AKAP7: variants seen among roughly 807,000 people sequenced by gnomAD.
AKAP7 encodes A kinase (PRKA) anchor protein 7.
Under a neutral mutation model 39.5 loss-of-function variants are expected in AKAP7, and 39 were observed. The ratio of observed to expected loss-of-function variants is 0.99; its 90% CI spans 0.76 to 1.29. The LOEUF is 1.29. Ranked by LOEUF, AKAP7 falls within the 50% of genes most tolerant of loss-of-function variation. The pLI, the probability that AKAP7 is intolerant of heterozygous loss-of-function variation, is 0.00. For missense variants in AKAP7, 414 were observed against 407.7 expected (o/e 1.02, Z -0.13); for synonymous variants, 140 against 139.1 (o/e 1.01, Z -0.05).
At chr6:131,270,251 A>G (rs533092064) in intron 7 of AKAP7, among the ~76,000 whole-genome samples, 1 of 152,276 alleles carries the variant, frequency 6.6e-6, no homozygotes, top group East Asian at 1.9e-4. Flanking sequence ...TTACAGCTAC[A>G]CCTGGAAACC....
At chr6:131,173,032 C>T (rs562171327) in intron 5 of AKAP7, among the ~76,000 whole-genome samples, 48 of 151,758 alleles carry the variant, frequency 3.2e-4, no homozygotes, top group Non-Finnish European at 5.4e-4. Flanking sequence ...GGTGAAACCC[C>T]GTCTCTATTA....
chr6:131,212,052 A>G (rs575197270), intron 6 of AKAP7, among the ~76,000 whole-genome samples: 7 of 152,358 alleles, frequency 4.6e-5, no homozygotes, highest in African/African-American at 1.2e-4. Flanking sequence ...CATGTAAGCT[A>G]TTGAATATTG....
At chr6:131,211,492 G>C (rs1055620066) in intron 6 of AKAP7, among the ~76,000 whole-genome samples, 5 of 152,114 alleles carry the variant, frequency 3.3e-5, no homozygotes, top group South Asian at 2.1e-4. Context: ...CCAGATGGGC[G>C]CGGTGGCTCA....
chr6:131,184,227 TGTGAA>T (rs1562193560), intron 5 of AKAP7: 1 of 415,038 alleles, frequency 2.4e-6, no homozygotes, highest in Non-Finnish European at 4.6e-6. Context: ...TCTCTGGACT[TGTGAA>T]GGAGAGGAGG....
At chr6:131,170,574 G>A (rs1331386216) in intron 5 of AKAP7, among the ~76,000 whole-genome samples, 1 of 152,102 alleles carries the variant, frequency 6.6e-6, no homozygotes, top group Non-Finnish European at 1.5e-5. Flanking sequence ...TAATAAAAAG[G>A]GCATCTTGTT....
At chr6:131,269,193 G>A (rs1287327331) in intron 7 of AKAP7, among the ~76,000 whole-genome samples, 2 of 152,068 alleles carry the variant, frequency 1.3e-5, no homozygotes, top group African/African-American at 2.4e-5. Flanking sequence ...CTCCCTAGTA[G>A]CTGGGATTAC....
intron 7 of AKAP7, among the ~76,000 whole-genome samples, chr6:131,240,950 C>T (rs562362432): frequency 1.3e-5 from 2 of 152,086 alleles, no homozygotes; most frequent in South Asian, 4.1e-4. Flanking sequence ...TCCGACGCTC[C>T]CCAGTGAGAT....
chr6:131,253,011 T>C, intron 7 of AKAP7: 1 of 1,611,502 alleles, frequency 6.2e-7, no homozygotes, highest in African/African-American at 1.3e-5. Context: ...AAGTTTAAAT[T>C]TGTGGGTGTT....
At chr6:131,212,089 T>C (rs1340387451) in intron 6 of AKAP7, among the ~76,000 whole-genome samples, 2 of 152,200 alleles carry the variant, frequency 1.3e-5, no homozygotes, top group Non-Finnish European at 2.9e-5. Flanking sequence ...ACAATGGTTG[T>C]GTTAGTACTC....
At chr6:131,244,134 A>G (rs1002183465) in intron 7 of AKAP7, among the ~76,000 whole-genome samples, 4 of 152,080 alleles carry the variant, frequency 2.6e-5, no homozygotes, top group East Asian at 3.9e-4. Context: ...GCTGAACAGT[A>G]TCTGTCTAGA....
intron 6 of AKAP7, chr6:131,200,704 T>G (rs1261044728): frequency 6.6e-6 from 1 of 152,184 alleles, no homozygotes; most frequent in Non-Finnish European, 1.5e-5. Context: ...CCATATTAGG[T>G]ATCATTCCAG....
intron 7 of AKAP7, among the ~76,000 whole-genome samples, chr6:131,278,336 C>A (rs1437473766): frequency 1.3e-5 from 2 of 152,158 alleles, no homozygotes; most frequent in Non-Finnish European, 2.9e-5. Context: ...TGTTGCTTTG[C>A]TCACTGCTTT....
chr6:131,141,726 A>G (rs534186392), intron 1 of AKAP7, among the ~76,000 whole-genome samples: 1 of 152,268 alleles, frequency 6.6e-6, no homozygotes, highest in East Asian at 1.9e-4. Flanking sequence ...GGCCCATCTG[A>G]CAAGGTTGGA....
At chr6:131,258,712 A>AACTT (rs1391082661) in intron 7 of AKAP7, among the ~76,000 whole-genome samples, 2 of 152,268 alleles carry the variant, frequency 1.3e-5, no homozygotes, top group African/African-American at 4.8e-5. Context: ...GTATAGCTTT[A>AACTT]ACTTAAATTA....
upstream of AKAP7, among the ~76,000 whole-genome samples, chr6:131,134,638 T>C (rs373084673): frequency 6.6e-6 from 1 of 152,232 alleles, no homozygotes. Context: ...AGCCCATAAA[T>C]GGGCATCAGA....
chr6:131,176,449 T>G (rs996692650), intron 5 of AKAP7, among the ~76,000 whole-genome samples: 1 of 152,188 alleles, frequency 6.6e-6, no homozygotes, highest in African/African-American at 2.4e-5. Context: ...GAAATGGATA[T>G]GTGATTTCAT....
At chr6:131,132,970 G>A (rs114274941), upstream of AKAP7, among the ~76,000 whole-genome samples, 1,588 of 152,130 alleles carry the variant, frequency 0.01, 31 homozygotes, top group African/African-American at 0.036. Flanking sequence ...TAAATATTTC[G>A]GTCCACATTA....
chr6:131,128,628 G>C, the AKAP7 span, among the ~76,000 whole-genome samples: 142 of 152,066 alleles, frequency 9.3e-4, no homozygotes, highest in Non-Finnish European at 1.8e-3. Flanking sequence ...TTTGAGATCA[G>C]CCTGGCTAAC....
intron 6 of AKAP7, among the ~76,000 whole-genome samples, chr6:131,205,751 T>C (rs939864286): frequency 3.9e-5 from 6 of 152,200 alleles, no homozygotes; most frequent in African/African-American, 1.4e-4. Context: ...TTGCATATTC[T>C]TAGTTTCATG....
Sources: allele counts gnomAD v4.1 joint callset (sites outside exome capture counted in the v4.1 genomes callset), GRCh38; gene constraint gnomAD v4.1.1; transcripts MANE v1.5; gene names NCBI Gene and HGNC (gene_info 2026-07-23, HGNC 2026-07-21).